The following PLEKHA7 variants were observed in gnomAD, a reference collection of about 807,000 sequenced individuals.
The protein encoded by PLEKHA7 is pleckstrin homology domain containing A7, also known as pleckstrin homology domain-containing family A member 7.
A neutral mutation model predicts 170.0 loss-of-function variants in PLEKHA7; 104 were observed. The ratio of observed to expected loss-of-function variants is 0.61; its 90% CI spans 0.52 to 0.72. The LOEUF is 0.72. Among genes scored for constraint, PLEKHA7 ranks in the 30% least tolerant of loss-of-function variants. PLEKHA7 has a pLI of 0.00. For missense variants in PLEKHA7, 1,615 were observed against 1,671.7 expected, an observed-to-expected ratio of 0.97 and a Z score of 0.59; for synonymous variants, 648 against 660.8, an observed-to-expected ratio of 0.98 and a Z score of 0.30.
At position 16,979,365 on chromosome 11, in the gene PLEKHA7, T is replaced by TCCACCTC. The variant is rs1197118187; in HGVS notation, c.221+34617_221+34623dup. 3.6e-4 allele frequency among the ~76,000 whole-genome samples: 55 copies of TCCACCTC among 152,112 alleles called. 1 individual carries two copies. The highest frequency in any genetic ancestry group is 1.2e-3 in the African/African-American group (51 of 41,498). ...TCTTTACTCGAGTGCCTCAAGTCAT[T>TCCACCTC]CCACCTCCACCCCCACCACCTTCAG... On this transcript the variant is annotated intron_variant, in intron 3 of 26. Transcript: ENST00000531066.
chr11:16,960,025 C>G (rs1016071303), intron 3 of PLEKHA7, among the ~76,000 whole-genome samples: 1 of 152,206 alleles, frequency 6.6e-6, no homozygotes, highest in Non-Finnish European at 1.5e-5. Flanking sequence ...GTCCTGCCCC[C>G]CAACCTCACT....
intron 4 of PLEKHA7, among the ~76,000 whole-genome samples, chr11:16,861,584 G>T (rs1329002489): frequency 2.6e-5 from 4 of 152,122 alleles, no homozygotes; most frequent in Non-Finnish European, 5.9e-5. Context: ...GGGAGGCAGA[G>T]GCTGTAGTGA....
intron 10 of PLEKHA7, among the ~76,000 whole-genome samples, chr11:16,818,931 G>A (rs566765173): frequency 2.0e-5 from 3 of 151,588 alleles, no homozygotes; most frequent in African/African-American, 7.3e-5. Flanking sequence ...AGCCTCCTGA[G>A]TAGCTGGGAC....
intron 3 of PLEKHA7, among the ~76,000 whole-genome samples, chr11:16,873,923 T>A (rs1855073807): frequency 6.6e-6 from 1 of 152,158 alleles, no homozygotes; most frequent in Non-Finnish European, 1.5e-5. Flanking sequence ...CACCTCAGCC[T>A]CCCAAAGTGC....
intron 3 of PLEKHA7, among the ~76,000 whole-genome samples, chr11:16,892,432 GTGTTT>G (rs199820686): frequency 0.02 from 2,244 of 114,894 alleles, 25 homozygotes; most frequent in South Asian, 0.026. Flanking sequence ...GTGTGTGTGT[GTGTTT>G]TGTTTTGTTT....
chr11:16,980,923 G>C (rs1473070630), intron 3 of PLEKHA7, among the ~76,000 whole-genome samples: 1 of 66,076 alleles, frequency 1.5e-5, no homozygotes, highest in Non-Finnish European at 3.2e-5. Context: ...ACGGCCCAAT[G>C]ATGAAGGGTC....
intron 3 of PLEKHA7, among the ~76,000 whole-genome samples, chr11:16,887,950 A>C (rs536039750): frequency 1.3e-4 from 19 of 148,232 alleles, no homozygotes; most frequent in Non-Finnish European, 2.1e-4. Context: ...GGAAGTGAGG[A>C]GCTCTCTGCC....
intron 13 of PLEKHA7, 188 bp from the exon 14 acceptor site, chr11:16,803,483 C>T (rs1403115934): frequency 1.7e-6 from 1 of 587,094 alleles, no homozygotes; most frequent in African/African-American, 1.9e-5. Flanking sequence ...TAGGAAAAAA[C>T]CAAAACCTTT....
chr11:16,857,252 A>C (rs879327572), intron 4 of PLEKHA7, among the ~76,000 whole-genome samples: 3 of 152,238 alleles, frequency 2.0e-5, no homozygotes, highest in Non-Finnish European at 2.9e-5. Flanking sequence ...CAGCAGGACC[A>C]CTGTAGTAGG....
chr11:16,947,924 AAAAAAAAAG>A (rs931057484), intron 3 of PLEKHA7, among the ~76,000 whole-genome samples: 19 of 135,248 alleles, frequency 1.4e-4, no homozygotes, highest in South Asian at 4.4e-4. Context: ...TCAAAAAAAA[AAAAAAAAAG>A]AAAAAAAAGA....
intron 17 of PLEKHA7, among the ~76,000 whole-genome samples, chr11:16,796,824 TTTTC>T (rs1848263478): frequency 6.6e-6 from 1 of 151,892 alleles, no homozygotes. Flanking sequence ...CCTGGCTAGT[TTTTC>T]TTTTTCTTTT....
Position 16,789,295 on chromosome 11 carries a change from C to T in PLEKHA7, c.3158G>A (p.Arg1053Lys), listed in dbSNP as rs773326019. 1.4e-5 allele frequency: 23 copies of T among 1,612,926 alleles called. No individual in the cohort carries two copies. The South Asian group carries it at 2.1e-4, about 15-fold the overall frequency. The part of the protein sequence containing the change: ...NAESSKATFP[R>K]PKSALERLYS... ...CAGGCGCTCCAAGGCACTCTTAGGT[C>T]TCTGAGGAAGAGGAGGCAGGCAAGA... Residue 1053 changes from arginine to lysine, a missense_variant and splice_region_variant, in exon 23 of 27, where the codon AGA (arginine) becomes AAA (lysine). Transcript: ENST00000531066. The surrounding 1 kb of genome is among the most constrained non-coding windows in gnomAD (Gnocchi z 4.6).
chr11:16,778,553 C>G lies in PLEKHA7; in HGVS notation c.*445G>C, dbSNP rs12225922. On this transcript the variant is annotated 3_prime_UTR_variant, in exon 27 of 27. Coordinates refer to ENST00000531066, the MANE Select transcript of PLEKHA7 (RefSeq NM_001329630.2). ...TCTTGCTGGAGTCTACTGGGAACACCTCTTTAAATCTCACTTTCTCCTGAG... is the reference window on the plus strand; with the variant it reads ...TCTTGCTGGAGTCTACTGGGAACACGTCTTTAAATCTCACTTTCTCCTGAG... The G allele has an allele frequency of 1.2e-4, 26 of 214,060 alleles. No individual in the cohort carries two copies. In the East Asian group the frequency reaches 2.8e-3, roughly 23 times the overall value. 13.3% of individuals were successfully genotyped at this position (214,060 alleles called of 1,614,324 possible).
At chr11:16,916,127 T>C (rs1565111931) in intron 3 of PLEKHA7, among the ~76,000 whole-genome samples, 1 of 152,210 alleles carries the variant, frequency 6.6e-6, no homozygotes, top group African/African-American at 2.4e-5. Flanking sequence ...TGGTGAGCAT[T>C]GTTTCATGTG....
intron 3 of PLEKHA7, among the ~76,000 whole-genome samples, chr11:16,962,204 T>C (rs945080280): frequency 6.6e-5 from 10 of 152,216 alleles, no homozygotes; most frequent in Non-Finnish European, 1.5e-4. Flanking sequence ...TCCAATCCCA[T>C]CTTTGCCTCT....
chr11:16,982,942 C>T (rs181356379), intron 3 of PLEKHA7, among the ~76,000 whole-genome samples: 4 of 152,212 alleles, frequency 2.6e-5, no homozygotes, highest in Non-Finnish European at 5.9e-5. Flanking sequence ...GACTCAAAGG[C>T]CTTTCTTCCC....
intron 3 of PLEKHA7, among the ~76,000 whole-genome samples, chr11:16,875,323 C>T (rs1439845387): frequency 6.6e-6 from 1 of 151,640 alleles, no homozygotes; most frequent in East Asian, 1.9e-4. Flanking sequence ...AACTGAGGTT[C>T]CAGGTTATGG....
intron 3 of PLEKHA7, among the ~76,000 whole-genome samples, chr11:16,871,774 G>A (rs1018811736): frequency 6.6e-6 from 1 of 152,122 alleles, no homozygotes; most frequent in Admixed American, 6.5e-5. Context: ...GGAAGGATCA[G>A]CTTCCACACC....
chr11:16,789,902 A>G lies in PLEKHA7; in HGVS notation c.3053-24T>C, dbSNP rs547655329. The G allele has an allele frequency of 3.1e-6, 5 of 1,601,914 alleles. No homozygotes were observed. In the Admixed American group the frequency reaches 6.7e-5, roughly 21 times the overall value. ...CCCTTAGTGAGGAAAGAGAAGTGCAAGCATGTTTGTGCTGGGGTGGATGGG... is the reference window on the plus strand; with the variant it reads ...CCCTTAGTGAGGAAAGAGAAGTGCAGGCATGTTTGTGCTGGGGTGGATGGG... On this transcript the variant is annotated intron_variant, in intron 21 of 26. Transcript: ENST00000531066. This position sits in a 1 kb window ranked among gnomAD's most constrained non-coding sequence, Gnocchi z 4.6.
Sources: gnomAD v4.1 joint callset for allele counts (sites outside exome capture counted in the v4.1 genomes callset) on GRCh38, gnomAD v4.1.1 for gene constraint, Gnocchi (gnomAD v3.1) non-coding constraint, MANE v1.5 for transcripts, NCBI Gene and HGNC (gene_info 2026-07-23, HGNC 2026-07-21) for gene names.